SLC4A4: variants seen among roughly 807,000 people sequenced by gnomAD.
SLC4A4 encodes solute carrier family 4 member 4.
In SLC4A4, 27 loss-of-function variants were observed where a neutral mutation model predicts 111.5. The observed-to-expected ratio is 0.24, with a 90% CI of 0.18 to 0.33. The LOEUF (loss-of-function observed/expected upper bound fraction) is 0.33, where lower values mean the gene tolerates loss of function less well. Among genes scored for constraint, SLC4A4 ranks in the 10% least tolerant of loss-of-function variants. SLC4A4 has a pLI of 1.00. For missense variants in SLC4A4, 909 were observed against 1,315.5 expected (o/e 0.69, Z 4.78); for synonymous variants, 443 against 463.4 (o/e 0.96, Z 0.57).
chr4:71,394,542 A>G (rs939959022), intron 6 of SLC4A4, among the ~76,000 whole-genome samples: 4 of 152,180 alleles, frequency 2.6e-5, no homozygotes, highest in Admixed American at 1.3e-4. Flanking sequence ...GAACACTTCT[A>G]CACTGCTGAG....
chr4:71,241,161 T>C lies in SLC4A4; in HGVS notation c.73+4512T>C, dbSNP rs1578656437. On this transcript the variant is annotated intron_variant, in intron 2 of 25. Coordinates refer to ENST00000264485, the MANE Select transcript of SLC4A4 (RefSeq NM_001098484.3). ...AAGGAAAAGAAAAAAGAAGTTTTGTTATCTTAGTACTCTTATTCTAATGAA... is the reference window on the plus strand; with the variant it reads ...AAGGAAAAGAAAAAAGAAGTTTTGTCATCTTAGTACTCTTATTCTAATGAA... Among the ~76,000 whole-genome samples the C allele has an allele frequency of 4.6e-5, 7 of 152,206 alleles. No homozygotes were observed. The South Asian group carries it at 8.3e-4, about 18-fold the overall frequency.
chr4:71,500,246 G>T (rs1730791612), intron 16 of SLC4A4, among the ~76,000 whole-genome samples: 1 of 151,940 alleles, frequency 6.6e-6, no homozygotes, highest in Non-Finnish European at 1.5e-5. Context: ...CATCTATTCA[G>T]GTCCTCTGTC....
At chr4:71,501,443 C>G (rs995624473) in intron 16 of SLC4A4, among the ~76,000 whole-genome samples, 13 of 151,614 alleles carry the variant, frequency 8.6e-5, no homozygotes, top group African/African-American at 3.1e-4. Context: ...AGGAATTTAC[C>G]CATTTCTTCT....
At chr4:71,071,267 T>A (rs368975406) in intron 1 of SLC4A4, among the ~76,000 whole-genome samples, 1 of 139,202 alleles carries the variant, frequency 7.2e-6, no homozygotes, top group African/African-American at 2.7e-5. Flanking sequence ...GAGACCGTCT[T>A]AAAAAAAAAA....
At chr4:71,242,294 T>A (rs1239266384) in intron 2 of SLC4A4, among the ~76,000 whole-genome samples, 1 of 152,216 alleles carries the variant, frequency 6.6e-6, no homozygotes, top group African/African-American at 2.4e-5. Context: ...ATTGAGCTTC[T>A]TTTTAGAAGC....
chr4:71,312,951 GGT>G (rs1486377680), intron 3 of SLC4A4, among the ~76,000 whole-genome samples: 12 of 130,166 alleles, frequency 9.2e-5, no homozygotes, highest in South Asian at 3.2e-4. Context: ...GGAAATAAAG[GGT>G]ATTCAATTCA....
chr4:71,443,470 T>C (rs1724956691), intron 8 of SLC4A4, among the ~76,000 whole-genome samples: 2 of 151,930 alleles, frequency 1.3e-5, no homozygotes, highest in South Asian at 4.2e-4. Context: ...TTTTGAGCTA[T>C]ATAGGGGATG....
At chr4:71,486,157 G>A (rs942869919) in intron 14 of SLC4A4, among the ~76,000 whole-genome samples, 6 of 151,264 alleles carry the variant, frequency 4.0e-5, no homozygotes, top group Non-Finnish European at 7.4e-5. Context: ...CTATAAATTA[G>A]GAATATGCTC....
intron 2 of SLC4A4, among the ~76,000 whole-genome samples, chr4:71,094,806 GTC>G (rs909835249): frequency 7.5e-6 from 1 of 133,512 alleles, no homozygotes; most frequent in Non-Finnish European, 1.6e-5. Context: ...GACAAGAAAG[GTC>G]TCTCTGTCTT....
rs773515024 is a variant in SLC4A4, at chr4:71,276,265, G to A, written c.253+20866G>A. 1.6e-3 allele frequency among the ~76,000 whole-genome samples: 250 copies of A among 152,304 alleles called. 2 individuals carry two copies. Among genetic ancestry groups the A allele is most frequent in the Non-Finnish European group, 1.1e-3 (74 of 68,036 alleles). The stretch of plus-strand genomic sequence containing the variant: ...TGGTTATATCTTATATAATTAGAGT[G>A]TAATATCAAAACCAGGAAACTGACA... On this transcript the variant is annotated intron_variant, in intron 3 of 25. Transcript: ENST00000264485.
intron 7 of SLC4A4, among the ~76,000 whole-genome samples, chr4:71,403,712 C>T (rs894374999): frequency 3.3e-5 from 5 of 152,084 alleles, no homozygotes; most frequent in Non-Finnish European, 7.4e-5. Context: ...GGAAAATAGG[C>T]CGGAGGACCT....
At chr4:71,243,371 C>T (rs1375040010) in intron 2 of SLC4A4, among the ~76,000 whole-genome samples, 2 of 152,114 alleles carry the variant, frequency 1.3e-5, no homozygotes, top group Non-Finnish European at 2.9e-5. Context: ...CTAACCTGAA[C>T]TAAATATTTC....
chr4:71,396,950 G>A (rs1278157321), intron 6 of SLC4A4, among the ~76,000 whole-genome samples: 1 of 152,222 alleles, frequency 6.6e-6, no homozygotes. Context: ...AAATGGGAAT[G>A]CAGAGAAATA....
intron 3 of SLC4A4, among the ~76,000 whole-genome samples, chr4:71,322,678 T>A (rs1727208006): frequency 6.6e-6 from 1 of 151,942 alleles, no homozygotes; most frequent in South Asian, 2.1e-4. Flanking sequence ...TCATAGCAGC[T>A]CTGGCAGAAG....
intron 1 of SLC4A4, among the ~76,000 whole-genome samples, chr4:71,198,459 C>T (rs1481146967): frequency 6.6e-6 from 1 of 152,162 alleles, no homozygotes; most frequent in Non-Finnish European, 1.5e-5. Flanking sequence ...TCTTGCACCT[C>T]AGGGCAGATG....
At chr4:71,259,890 T>A (rs1721723183) in intron 3 of SLC4A4, among the ~76,000 whole-genome samples, 1 of 152,196 alleles carries the variant, frequency 6.6e-6, no homozygotes, top group Non-Finnish European at 1.5e-5. Flanking sequence ...GAACATCGTG[T>A]TCAGCATTTT....
chr4:71,419,916 C>T (rs1234076081), intron 7 of SLC4A4, among the ~76,000 whole-genome samples: 1 of 152,210 alleles, frequency 6.6e-6, no homozygotes, highest in Non-Finnish European at 1.5e-5. Context: ...AACTAGAACT[C>T]TAAAAAGCAG....
At chr4:71,549,327 T>C (rs1179254911) in intron 20 of SLC4A4, among the ~76,000 whole-genome samples, 1 of 151,858 alleles carries the variant, frequency 6.6e-6, no homozygotes, top group Admixed American at 6.6e-5. Context: ...TTTTAGGCAA[T>C]GGAACCTCAT....
chr4:71,536,423 C>T (rs1414465866), intron 18 of SLC4A4, among the ~76,000 whole-genome samples: 1 of 120,018 alleles, frequency 8.3e-6, no homozygotes, highest in Non-Finnish European at 1.7e-5. Flanking sequence ...TGATTGCTTC[C>T]CCGTGGTATC....
Sources: allele counts gnomAD v4.1 joint callset (sites outside exome capture counted in the v4.1 genomes callset), GRCh38; gene constraint gnomAD v4.1.1; transcripts MANE v1.5; gene names NCBI Gene and HGNC (gene_info 2026-07-23, HGNC 2026-07-21).